Variants in NCAM1 observed in about 807,000 individuals in gnomAD.
NCAM1 encodes the protein antigen recognized by monoclonal antibody 5.1H11.
In NCAM1, 14 loss-of-function variants were observed where a neutral mutation model predicts 109.8. The ratio of observed to expected loss-of-function variants is 0.13; its 90% CI spans 0.08 to 0.20. The LOEUF (loss-of-function observed/expected upper bound fraction) is 0.20, where lower values mean the gene tolerates loss of function less well. NCAM1 is among the 10% of genes least tolerant of loss of function. The pLI, the probability that NCAM1 is intolerant of heterozygous loss-of-function variation, is 1.00. For synonymous variants in NCAM1, 418 were observed against 442.9 expected, an observed-to-expected ratio of 0.94 and a Z score of 0.70; for missense variants, 774 against 1,109.9, an observed-to-expected ratio of 0.70 and a Z score of 4.30.
chr11:113,191,339 G>A (rs1173928212), intron 1 of NCAM1, among the ~76,000 whole-genome samples: 1 of 152,178 alleles, frequency 6.6e-6, no homozygotes. Flanking sequence ...TCCATTCCCT[G>A]TTTAAACTTA....
chr11:113,034,125 G>A (rs1400284014), intron 1 of NCAM1, among the ~76,000 whole-genome samples: 3 of 152,118 alleles, frequency 2.0e-5, no homozygotes, highest in Admixed American at 6.5e-5. Flanking sequence ...AAATCTAGTC[G>A]TGATAATGAG....
intron 1 of NCAM1, among the ~76,000 whole-genome samples, chr11:113,015,142 G>T (rs1952175531): frequency 6.6e-6 from 1 of 152,028 alleles, no homozygotes; most frequent in South Asian, 2.1e-4. Context: ...TTCTCTTCTT[G>T]CACCTCACCC....
rs1555125007 is a variant in NCAM1, at chr11:113,270,211, C to G, written c.2155C>G (p.Leu719Val). ...IPANGSPTSG[L>V]STGAIVGILI... The stretch of plus-strand genomic sequence containing the variant: ...AGCCAACGGCAGCCCCACCTCAGGC[C>G]TGAGCACCGGGGCCATCGTGGGCAT... The change falls in exon 18 of 20, where the codon CTG (leucine) becomes GTG (valine). Residue 719 changes from leucine (L) to valine (V), a missense_variant. Around this residue, in one of 4 missense-constraint regions of NCAM1, gnomAD observed 523 missense variants for 784.2 expected, o/e 0.67. Transcript: ENST00000316851. The G allele has an allele frequency of 1.2e-6, 2 of 1,614,044 alleles. No individual in the cohort carries two copies.
chr11:113,089,390 A>C (rs1460977921), intron 1 of NCAM1, among the ~76,000 whole-genome samples: 1 of 150,916 alleles, frequency 6.6e-6, no homozygotes, highest in South Asian at 2.1e-4. Context: ...TTTTTTTTTA[A>C]TCAGAGCATA....
rs541889507 is a variant in NCAM1, at chr11:113,099,561, A to G, written c.53-102818A>G. Among the ~76,000 whole-genome samples the G allele has an allele frequency of 3.2e-4, 49 of 152,356 alleles. No individual in the cohort carries two copies. The South Asian group carries it at 8.5e-3, about 26-fold the overall frequency. On this transcript the variant is annotated intron_variant, in intron 1 of 19. Coordinates refer to ENST00000316851, the MANE Select transcript of NCAM1 (RefSeq NM_181351.5). The stretch of plus-strand genomic sequence containing the variant: ...ACAAACAAACCAGAAGCATGAAAGG[A>G]GCTGACAAAAATGAGCAACAGCAAA...
chr11:113,203,892 A>G (rs569385274), intron 2 of NCAM1, among the ~76,000 whole-genome samples: 2 of 152,338 alleles, frequency 1.3e-5, no homozygotes, highest in Admixed American at 6.5e-5. Context: ...CAGACCAGTT[A>G]GGCTCTGGCG....
At chr11:113,070,751 A>G (rs979280156) in intron 1 of NCAM1, among the ~76,000 whole-genome samples, 16 of 152,210 alleles carry the variant, frequency 1.1e-4, no homozygotes, top group African/African-American at 3.9e-4. Flanking sequence ...AGTGGCCTCT[A>G]TACTCACTAT....
chr11:113,170,326 C>T (rs1942951527), intron 1 of NCAM1, among the ~76,000 whole-genome samples: 1 of 152,268 alleles, frequency 6.6e-6, no homozygotes, highest in African/African-American at 2.4e-5. Flanking sequence ...CAATTTCTTC[C>T]CACCATTAAA....
Position 112,961,535 on chromosome 11 carries a change from C to T in NCAM1, c.-78C>T, listed in dbSNP as rs782674091. ...TCTGCCCCTAGGTCTGTCGCTCAGC[C>T]GCCGTCCACACTCGCTGCAGGGGGG... is the stretch of plus-strand genomic sequence containing the variant. On this transcript the variant is annotated 5_prime_UTR_variant, in exon 1 of 20. Transcript: ENST00000316851. 5 of 935,964 alleles carry T rather than the reference C, an allele frequency of 5.3e-6. No homozygotes were observed. The highest frequency in any genetic ancestry group is 4.9e-5 in the African/African-American group (3 of 61,606). The allele number at this position is 935,964 out of a possible 1,614,324, so 58.0% of individuals were successfully genotyped here. A position where few individuals can be genotyped will look rare whatever the true frequency, so the allele number is the denominator to read the frequency against.
At position 113,202,365 on chromosome 11, in the gene NCAM1, T is replaced by C; in HGVS notation, c.53-14T>C. The C allele has an allele frequency of 6.2e-7, 1 of 1,609,780 alleles. No individual in the cohort carries two copies. Among genetic ancestry groups the C allele is most frequent in the Non-Finnish European group, 8.5e-7 (1 of 1,178,426 alleles). ...TTGTTTTTTGTTTTGTTTTGTTTTG[T>C]TTTGTTTTTTCAGTTTCTCTGCAGG... On this transcript the variant is annotated splice_polypyrimidine_tract_variant and intron_variant, in intron 1 of 19. Coordinates refer to ENST00000316851, the MANE Select transcript of NCAM1 (RefSeq NM_181351.5).
chr11:113,109,347 C>CAAAAAAAAAAAAAA (rs369724829), intron 1 of NCAM1, among the ~76,000 whole-genome samples: 2 of 89,220 alleles, frequency 2.2e-5, no homozygotes, highest in African/African-American at 4.7e-5. Context: ...GACTCTGTCT[C>CAAAAAAAAAAAAAA]AAAAAAAAGA....
chr11:113,011,739 G>T (rs1952061519), intron 1 of NCAM1, among the ~76,000 whole-genome samples: 1 of 152,154 alleles, frequency 6.6e-6, no homozygotes, highest in East Asian at 1.9e-4. Flanking sequence ...GGAGGGGATC[G>T]TTAAGCAGTC....
At chr11:113,253,706 T>A (rs1945759200) in intron 15 of NCAM1, among the ~76,000 whole-genome samples, 1 of 152,184 alleles carries the variant, frequency 6.6e-6, no homozygotes, top group Non-Finnish European at 1.5e-5. Context: ...AAGGACACAG[T>A]CCTCGACTAG....
chr11:113,220,607 T>A (rs1555115128), intron 8 of NCAM1, among the ~76,000 whole-genome samples: 2 of 128,030 alleles, frequency 1.6e-5, no homozygotes, highest in Non-Finnish European at 3.2e-5. Context: ...TCTCTCTTTT[T>A]TTTTTTTTTT....
rs886620560 is a variant in NCAM1, at chr11:112,963,938, C to T, written c.52+2274C>T. Among the ~76,000 whole-genome samples, 1 of 152,004 alleles carries T rather than the reference C, an allele frequency of 6.6e-6. No individual in the cohort carries two copies. Among genetic ancestry groups the T allele is most frequent in the Non-Finnish European group, 1.5e-5 (1 of 68,014 alleles). The stretch of plus-strand genomic sequence containing the variant: ...CCTTGAGGATGGGAAGAAGGCAGAA[C>T]GTGAAACACATACAAGGTTGCTTAA... On this transcript the variant is annotated intron_variant, in intron 1 of 19. Coordinates refer to ENST00000316851, the MANE Select transcript of NCAM1 (RefSeq NM_181351.5). The surrounding 1 kb of genome is among the most constrained non-coding windows in gnomAD (Gnocchi z 4.6).
At chr11:113,093,099 C>T (rs1343853154) in intron 1 of NCAM1, among the ~76,000 whole-genome samples, 2 of 152,156 alleles carry the variant, frequency 1.3e-5, no homozygotes, top group African/African-American at 2.4e-5. Flanking sequence ...AAACACCGAG[C>T]ATTAGAAATT....
At chr11:113,034,455 G>T (rs7128667) in intron 1 of NCAM1, among the ~76,000 whole-genome samples, 148,857 of 152,314 alleles carry the variant, frequency 0.98, 72,815 homozygotes, top group East Asian at 1. Context: ...ATTTTTAAAT[G>T]GTAGAAAAAC....
intron 8 of NCAM1, among the ~76,000 whole-genome samples, chr11:113,218,102 G>A (rs1408447358): frequency 6.6e-6 from 1 of 152,220 alleles, no homozygotes; most frequent in Non-Finnish European, 1.5e-5. Context: ...GGAGATCCCA[G>A]CCTAAGCATA....
intron 1 of NCAM1, among the ~76,000 whole-genome samples, chr11:112,987,563 G>A (rs1565366154): frequency 6.6e-6 from 1 of 151,982 alleles, no homozygotes; most frequent in Admixed American, 6.6e-5. Context: ...ATATATTTAG[G>A]TGCTCTGATG....
Sources: allele counts gnomAD v4.1 joint callset (sites outside exome capture counted in the v4.1 genomes callset), GRCh38; gene constraint gnomAD v4.1.1; regional missense constraint gnomAD v4.1.1; non-coding constraint Gnocchi (gnomAD v3.1); transcripts MANE v1.5; gene names NCBI Gene and HGNC (gene_info 2026-07-23, HGNC 2026-07-21).